VRK3: variants seen among roughly 807,000 people sequenced by gnomAD.
VRK3 encodes VRK serine/threonine kinase 3.
VRK3 carries 50 observed loss-of-function variants against 60.4 expected under a neutral mutation model. That is an observed-to-expected ratio of 0.83 (90% CI 0.66 to 1.05). The LOEUF is 1.05. Ranked by LOEUF, VRK3 falls within the 50% of genes least tolerant of loss-of-function variation. The pLI, the probability that VRK3 is intolerant of heterozygous loss-of-function variation, is 0.00. For missense variants in VRK3, 549 were observed against 585.3 expected (o/e 0.94, Z 0.64); for synonymous variants, 246 against 227.8 (o/e 1.08, Z -0.72).
chr19:49,988,329 T>G, intron 12 of VRK3, 43 bp downstream of exon 12: 1 of 1,565,486 alleles, frequency 6.4e-7, no homozygotes, highest in East Asian at 2.3e-5. Context: ...CTGCAGGGGT[T>G]CTGCTGACCA....
intron 2 of VRK3, among the ~76,000 whole-genome samples, chr19:50,018,498 C>T (rs2077112061): frequency 6.6e-6 from 1 of 152,136 alleles, no homozygotes; most frequent in Admixed American, 6.6e-5. Context: ...ATTCCTTTTC[C>T]TCAGGCTGCA....
In VRK3 at chr19:50,005,565, T is replaced by C. The variant is rs763396330; in HGVS notation, c.547+2004A>G. ...GCAAACCTCTGCCCATCAAATAACTTGTAAGCAAATATTCATGGCAGCGTT... is the reference window on the plus strand; with the variant it reads ...GCAAACCTCTGCCCATCAAATAACTCGTAAGCAAATATTCATGGCAGCGTT... On this transcript the variant is annotated intron_variant, in intron 5 of 14. Coordinates refer to ENST00000316763, the MANE Select transcript of VRK3 (RefSeq NM_016440.4). 1.9e-4 allele frequency among the ~76,000 whole-genome samples: 29 copies of C among 149,664 alleles called. 1 individual carries two copies. Among genetic ancestry groups the C allele is most frequent in the Non-Finnish European group, 3.7e-4 (25 of 68,012 alleles).
At chr19:49,983,761 G>C (rs993724861) in intron 12 of VRK3, among the ~76,000 whole-genome samples, 1 of 152,220 alleles carries the variant, frequency 6.6e-6, no homozygotes, top group African/African-American at 2.4e-5. Context: ...CCAGTAAACC[G>C]TCCTAGCGCA....
At chr19:49,997,793 G>A (rs999632601) in intron 6 of VRK3, 4 of 493,784 alleles carry the variant, frequency 8.1e-6, no homozygotes, top group African/African-American at 5.9e-5. Flanking sequence ...AAGAGCCACA[G>A]TGTTCCCTAG....
At chr19:49,981,093 A>G (rs1395189483) in intron 12 of VRK3, 80 bp from the exon 13 acceptor site, 3 of 1,098,992 alleles carry the variant, frequency 2.7e-6, no homozygotes, top group Middle Eastern at 4.6e-4. Flanking sequence ...TAAGATATAT[A>G]CACAGCCTAA....
chr19:49,994,802 C>G lies in VRK3; in HGVS notation c.870+12G>C, dbSNP rs150533830. Reference sequence around the variant, plus strand: ...CCCTGACGCGGCAGCTGAGCAACTTCTGGGTACGCACCAGCCGGCAGGCCA... The same window carrying G: ...CCCTGACGCGGCAGCTGAGCAACTTGTGGGTACGCACCAGCCGGCAGGCCA... On this transcript the variant is annotated intron_variant, in intron 9 of 14. Transcript: ENST00000316763. 7 of 1,609,804 alleles carry G rather than the reference C, an allele frequency of 4.3e-6. No homozygotes were observed. Among genetic ancestry groups the G allele is most frequent in the Admixed American group, 3.4e-5 (2 of 59,324 alleles).
intron 1 of VRK3, among the ~76,000 whole-genome samples, chr19:50,022,615 G>A (rs1039613931): frequency 3.3e-5 from 5 of 151,210 alleles, no homozygotes; most frequent in African/African-American, 1.2e-4. Context: ...GTGAAACCCC[G>A]TCTCTACTAA....
chr19:49,992,793 G>C, intron 10 of VRK3, 67 bp downstream of exon 10: 2 of 1,444,492 alleles, frequency 1.4e-6, no homozygotes, highest in Non-Finnish European at 1.9e-6. Flanking sequence ...GAAATAAATA[G>C]AGATTTGGAG....
chr19:49,981,666 A>T (rs2076424162), intron 12 of VRK3: 12 of 981,300 alleles, frequency 1.2e-5, no homozygotes, highest in Non-Finnish European at 1.5e-5. Flanking sequence ...GATCCTTAAG[A>T]CGGAGAGGAT....
intron 11 of VRK3, 59 bp downstream of exon 11, chr19:49,989,580 A>G (rs2076574449): frequency 6.4e-7 from 1 of 1,555,198 alleles, no homozygotes; most frequent in Non-Finnish European, 8.7e-7. Flanking sequence ...GAACTCCTAG[A>G]GCTGCCCTTG....
At chr19:50,024,817 T>C (rs143462032) in intron 1 of VRK3, 1 of 152,362 alleles carries the variant, frequency 6.6e-6, no homozygotes, top group East Asian at 1.9e-4. Flanking sequence ...ATTCAACAAA[T>C]GTTTAGGGAA....
chr19:49,989,519 C>T (rs913049091), intron 11 of VRK3, 120 bp downstream of exon 11: 29 of 1,363,804 alleles, frequency 2.1e-5, no homozygotes, highest in Admixed American at 5.2e-5. Flanking sequence ...CAATCCCTGT[C>T]CTGGCGCCCT....
intron 12 of VRK3, among the ~76,000 whole-genome samples, chr19:49,983,838 T>C (rs769906310): frequency 1.3e-5 from 2 of 152,190 alleles, no homozygotes; most frequent in Non-Finnish European, 2.9e-5. Context: ...CCTTGGTTAT[T>C]GTCTGGGCTA....
At position 50,000,865 on chromosome 19, in the gene VRK3, A is replaced by G. The variant is rs1229003171; in HGVS notation, c.548-11T>C. Reference sequence around the variant, plus strand: ...TGGAGGTGGGTGCAGCTGTGGGGGAACAAACAAGGGAGTGAGGTTATAACC... The same window carrying G: ...TGGAGGTGGGTGCAGCTGTGGGGGAGCAAACAAGGGAGTGAGGTTATAACC... On this transcript the variant is annotated splice_polypyrimidine_tract_variant and intron_variant, in intron 5 of 14. Transcript: ENST00000316763. 3.1e-6 allele frequency: 5 copies of G among 1,613,100 alleles called. No homozygotes were observed. The highest frequency in any genetic ancestry group is 4.2e-6 in the Non-Finnish European group (5 of 1,179,622).
intron 2 of VRK3, chr19:50,019,385 T>C (rs2077130693): frequency 6.7e-6 from 1 of 148,596 alleles, no homozygotes; most frequent in Admixed American, 6.7e-5. Context: ...AATATATGTA[T>C]TTTTAAACTG....
intron 14 of VRK3, chr19:49,978,441 G>A (rs2076367659): frequency 6.6e-6 from 1 of 152,406 alleles, no homozygotes; most frequent in African/African-American, 2.4e-5. Context: ...GCTGATGGAA[G>A]TAAAGCCATC....
chr19:49,987,793 C>A (rs2123066313), intron 12 of VRK3: 2 of 151,236 alleles, frequency 1.3e-5, no homozygotes, highest in South Asian at 4.2e-4. Flanking sequence ...AGCTCCCACT[C>A]CCAGGTTCAC....
At chr19:50,018,180 TG>T (rs1214054253) in intron 2 of VRK3, among the ~76,000 whole-genome samples, 1 of 152,202 alleles carries the variant, frequency 6.6e-6, no homozygotes, top group Non-Finnish European at 1.5e-5. Flanking sequence ...TCTGATAGAA[TG>T]GTCGATGAGG....
At chr19:50,000,955 G>A in intron 5 of VRK3, 101 bp from the exon 6 acceptor site, 1 of 1,146,844 alleles carries the variant, frequency 8.7e-7, no homozygotes, top group Non-Finnish European at 1.2e-6. Context: ...TGGTGCCCTG[G>A]TTCCAACAAG....
Sources: allele counts gnomAD v4.1 joint callset (sites outside exome capture counted in the v4.1 genomes callset), GRCh38; gene constraint gnomAD v4.1.1; transcripts MANE v1.5; gene names NCBI Gene and HGNC (gene_info 2026-07-23, HGNC 2026-07-21).